Variants in TMEM14A observed in about 807,000 individuals in gnomAD.
TMEM14A encodes transmembrane protein 14A.
TMEM14A carries 8 observed loss-of-function variants against 11.6 expected under a neutral mutation model. The ratio of observed to expected loss-of-function variants is 0.69; its 90% CI spans 0.40 to 1.24. The LOEUF (loss-of-function observed/expected upper bound fraction) is 1.24, where lower values mean the gene tolerates loss of function less well. Ranked by LOEUF, TMEM14A falls within the 50% of genes most tolerant of loss-of-function variation. The pLI is 0.01. For missense variants in TMEM14A, 108 were observed against 121.9 expected (o/e 0.89, Z 0.54); for synonymous variants, 34 against 45.5 (o/e 0.75, Z 1.02).
chr6:52,676,939 G>T, intron 1 of TMEM14A, 148 bp from the exon 2 acceptor site: 1 of 706,274 alleles, frequency 1.4e-6, no homozygotes, highest in Non-Finnish European at 2.5e-6. Flanking sequence ...CTCCCACCAG[G>T]CCCCACCTCC....
intron 3 of TMEM14A, 93 bp from the exon 4 acceptor site, chr6:52,683,985 A>G (rs1464999605): frequency 8.6e-6 from 10 of 1,159,912 alleles, no homozygotes; most frequent in Non-Finnish European, 1.2e-5. Flanking sequence ...TAATAGTTGT[A>G]ATGTTAGAAA....
chr6:52,678,365 GT>G (rs1443558696), intron 2 of TMEM14A, among the ~76,000 whole-genome samples: 22 of 137,522 alleles, frequency 1.6e-4, no homozygotes, highest in Admixed American at 1.6e-3. Context: ...GTGTGTGTGT[GT>G]GTGTGGAAGG....
chr6:52,685,154 G>T (rs1050508353), intron 4 of TMEM14A, among the ~76,000 whole-genome samples: 22 of 152,186 alleles, frequency 1.4e-4, no homozygotes, highest in Admixed American at 1.3e-4. Flanking sequence ...TAATTGTAAT[G>T]TTCCTCTTTC....
chr6:52,673,938 G>A (rs1275403915), intron 1 of TMEM14A, among the ~76,000 whole-genome samples: 2 of 152,204 alleles, frequency 1.3e-5, no homozygotes, highest in Admixed American at 1.3e-4. Context: ...TAGGTGTAAG[G>A]GTGAATGAGA....
At chr6:52,676,751 G>A (rs1023707148) in intron 1 of TMEM14A, among the ~76,000 whole-genome samples, 2 of 152,176 alleles carry the variant, frequency 1.3e-5, no homozygotes, top group African/African-American at 2.4e-5. Context: ...TTATAATCAT[G>A]GTGGAAGGCA....
At chr6:52,680,684 C>T (rs796566247) in intron 2 of TMEM14A, among the ~76,000 whole-genome samples, 13,849 of 36,348 alleles carry the variant, frequency 0.38, 3,164 homozygotes, top group Non-Finnish European at 0.46. Context: ...TATATATATA[C>T]ATATATGTAT....
chr6:52,681,175 T>C (rs1214867099), intron 2 of TMEM14A, among the ~76,000 whole-genome samples: 1 of 151,856 alleles, frequency 6.6e-6, no homozygotes, highest in Admixed American at 6.6e-5. Context: ...CACAGTGCTC[T>C]GGGGTGGGTA....
In TMEM14A at chr6:52,686,172, C is replaced by A; in HGVS notation, c.*123C>A. On this transcript the variant is annotated 3_prime_UTR_variant, in exon 5 of 5. Transcript: ENST00000211314. ...CTAGAAACACAAATAGCACTGTCAC[C>A]TCTAATATGAACATTAGTTTGAGGT... is the stretch of plus-strand genomic sequence containing the variant. 1 of 889,968 alleles carries A rather than the reference C, an allele frequency of 1.1e-6. No individual in the cohort carries two copies. The highest frequency in any genetic ancestry group is 2.3e-5 in the South Asian group (1 of 42,740). The allele number at this position is 889,968 out of a possible 1,614,324, so 55.1% of individuals were successfully genotyped here.
intron 4 of TMEM14A, among the ~76,000 whole-genome samples, chr6:52,685,598 AAAAG>A (rs1477659475): frequency 6.6e-6 from 1 of 151,846 alleles, no homozygotes; most frequent in Non-Finnish European, 1.5e-5. Context: ...AAAGAAAAAA[AAAAG>A]GAAGAAAAAA....
intron 1 of TMEM14A, among the ~76,000 whole-genome samples, chr6:52,674,539 C>T (rs1581741531): frequency 6.6e-6 from 1 of 152,158 alleles, no homozygotes; most frequent in Admixed American, 6.5e-5. Context: ...GTCATGATTA[C>T]ATGAGTTGAT....
At position 52,677,035 on chromosome 6, in the gene TMEM14A, C is replaced by T; in HGVS notation, c.-16-52C>T. 1.9e-6 allele frequency: 3 copies of T among 1,541,770 alleles called. No individual in the cohort carries two copies. In the Admixed American group the frequency reaches 5.1e-5, roughly 26 times the overall value. ...AGCGTATCATTTTTAGATACATTCC[C>T]TCCCCAAAACTTTTTTATTTTGTAT... is the stretch of plus-strand genomic sequence containing the variant. On this transcript the variant is annotated intron_variant, in intron 1 of 4. Transcript: ENST00000211314.
chr6:52,675,531 A>G (rs987653053), intron 1 of TMEM14A, among the ~76,000 whole-genome samples: 1 of 152,242 alleles, frequency 6.6e-6, no homozygotes, highest in Non-Finnish European at 1.5e-5. Flanking sequence ...TATCTACTGC[A>G]TCTGAGAGAA....
intron 2 of TMEM14A, among the ~76,000 whole-genome samples, chr6:52,678,313 GT>G (rs1769299235): frequency 3.0e-5 from 1 of 32,978 alleles, no homozygotes; most frequent in African/African-American, 1.2e-4. Context: ...TATAGAGAGT[GT>G]GTGTATGTGT....
chr6:52,686,049 A>G lies in TMEM14A; in HGVS notation c.300A>G (p.Ter100TrpextTer8). 1 of 1,611,496 alleles carries G rather than the reference A, an allele frequency of 6.2e-7. No homozygotes were observed. Among genetic ancestry groups the G allele is most frequent in the Non-Finnish European group, 8.5e-7 (1 of 1,178,876 alleles). ...TGAGACTTGTCTTGTTGCTGCTCTG[A>G]GCATCTGGAGGAACAGAAAACTAAG... is the stretch of plus-strand genomic sequence containing the variant. ...MILRLVLLLL* is the reference protein window; with the variant it reads ...MILRLVLLLLW Residue 100 changes from the stop codon to tryptophan, a stop_lost, in exon 5 of 5, where the codon TGA (stop) becomes TGG (tryptophan). Coordinates refer to ENST00000211314, the MANE Select transcript of TMEM14A (RefSeq NM_014051.4).
chr6:52,683,483 CAAAAAAAA>C (rs71799754), intron 3 of TMEM14A, among the ~76,000 whole-genome samples: 4 of 130,874 alleles, frequency 3.1e-5, no homozygotes, highest in African/African-American at 8.7e-5. Context: ...ACAACAACAA[CAAAAAAAA>C]AAAAAAGAAA....
At chr6:52,683,483 C>A (rs111508376) in intron 3 of TMEM14A, among the ~76,000 whole-genome samples, 22,628 of 126,376 alleles carry the variant, frequency 0.18, 2,071 homozygotes, top group Middle Eastern at 0.21. Context: ...ACAACAACAA[C>A]AAAAAAAAAA....
intron 2 of TMEM14A, among the ~76,000 whole-genome samples, chr6:52,680,593 T>TG: frequency 1.0e-5 from 1 of 96,516 alleles, no homozygotes; most frequent in Non-Finnish European, 2.1e-5. Context: ...ATTTATATAT[T>TG]TATATATATA....
At position 52,684,116 on chromosome 6, in the gene TMEM14A, T is replaced by C. The variant is rs369370387; in HGVS notation, c.211T>C (p.Phe71Leu). ...CCTGGCTACCATAATGGGTGTGAGATTTAAGAGGTCCAAGAAAATAATGCC... is the reference window on the plus strand; with the variant it reads ...CCTGGCTACCATAATGGGTGTGAGACTTAAGAGGTCCAAGAAAATAATGCC... Reference protein sequence around the residue: ...FFLATIMGVRFKRSKKIMPAG... With the variant: ...FFLATIMGVRLKRSKKIMPAG... Residue 71 changes from phenylalanine (F) to leucine (L), a missense_variant, in exon 4 of 5, where the codon TTT becomes CTT. Coordinates refer to ENST00000211314, the MANE Select transcript of TMEM14A (RefSeq NM_014051.4). 6.2e-7 allele frequency: 1 copy of C among 1,613,802 alleles called. No individual in the cohort carries two copies. The highest frequency in any genetic ancestry group is 1.3e-5 in the African/African-American group (1 of 74,928).
intron 2 of TMEM14A, among the ~76,000 whole-genome samples, chr6:52,680,665 ATG>A (rs376209722): frequency 8.5e-5 from 4 of 47,198 alleles, no homozygotes; most frequent in African/African-American, 1.3e-4. Context: ...GTGTATATAT[ATG>A]TGTATATATA....
Sources: allele counts gnomAD v4.1 joint callset (sites outside exome capture counted in the v4.1 genomes callset), GRCh38; gene constraint gnomAD v4.1.1; transcripts MANE v1.5; gene names NCBI Gene and HGNC (gene_info 2026-07-23, HGNC 2026-07-21).